The following ZNF493 variants were observed in gnomAD, a reference collection of about 807,000 sequenced individuals.
The protein encoded by ZNF493 is zinc finger protein 493.
A neutral mutation model predicts 12.2 loss-of-function variants in ZNF493; 11 were observed. That is an observed-to-expected ratio of 0.90 (90% CI 0.57 to 1.50). The LOEUF is 1.50. Among genes scored for constraint, ZNF493 ranks in the 40% most tolerant of loss-of-function variants. The pLI is 0.00. For synonymous variants in ZNF493, 286 were observed against 302.6 expected, an observed-to-expected ratio of 0.95 and a Z score of 0.57; for missense variants, 950 against 906.6, an observed-to-expected ratio of 1.05 and a Z score of -0.61.
rs943512217 is a variant in ZNF493, at chr19:21,426,066, A to G, written c.*1082A>G. ...GGCTTTAACTAGTCCTCAGTTCTTA[A>G]CACACATACGATAATTCTTACTGCA... On this transcript the variant is annotated 3_prime_UTR_variant, in exon 4 of 4. Coordinates refer to ENST00000392288, the MANE Select transcript of ZNF493 (RefSeq NM_001076678.3). The G allele has an allele frequency of 3.7e-5, 14 of 377,734 alleles. No individual in the cohort carries two copies. The highest frequency in any genetic ancestry group is 5.9e-5 in the Non-Finnish European group (11 of 187,604). The allele number at this position is 377,734 out of a possible 1,614,324, so 23.4% of individuals were successfully genotyped here. A position where few individuals can be genotyped will look rare whatever the true frequency, so the allele number is the denominator to read the frequency against.
Position 21,416,249 on chromosome 19 carries a change from T to A in ZNF493, c.254-6664T>A, listed in dbSNP as rs147263248. Among the ~76,000 whole-genome samples the A allele has an allele frequency of 4.6e-3, 702 of 152,300 alleles. 6 individuals carry two copies. The Middle Eastern group carries it at 0.085, about 18-fold the overall frequency. On this transcript the variant is annotated intron_variant, in intron 3 of 3. Transcript: ENST00000392288. The stretch of plus-strand genomic sequence containing the variant: ...TGGTTTTTTCAAACCTTGCACATTT[T>A]TTTTCTAGTACCATACCAGGGACAT...
At chr19:21,405,038 T>C (rs1351254962) in intron 1 of ZNF493, 91 bp from the exon 2 acceptor site, 7 of 1,524,624 alleles carry the variant, frequency 4.6e-6, no homozygotes, top group East Asian at 2.3e-5. Flanking sequence ...GAATTTTCTT[T>C]ACTTTCTCAT....
chr19:21,411,410 T>C (rs576055625), intron 3 of ZNF493, among the ~76,000 whole-genome samples: 3 of 152,232 alleles, frequency 2.0e-5, no homozygotes, highest in Non-Finnish European at 4.4e-5. Flanking sequence ...TAGTTATAGT[T>C]TATAATCAAA....
At chr19:21,406,661 A>T (rs1476935598) in intron 3 of ZNF493, among the ~76,000 whole-genome samples, 1 of 151,966 alleles carries the variant, frequency 6.6e-6, no homozygotes, top group Non-Finnish European at 1.5e-5. Context: ...AATTTTCTGA[A>T]CATTCCATCC....
chr19:21,408,629 C>T (rs2030216290), intron 3 of ZNF493: 12 of 984,796 alleles, frequency 1.2e-5, no homozygotes, highest in Admixed American at 6.2e-5. Context: ...ATGAGTTAAA[C>T]GTCTCTTCCT....
At chr19:21,413,751 T>C (rs1224178951) in intron 3 of ZNF493, 1 of 311,414 alleles carries the variant, frequency 3.2e-6, no homozygotes, top group East Asian at 5.1e-5. Flanking sequence ...CTTTTTGTTA[T>C]TGGATCTCTC....
rs1295387715 is a variant in ZNF493 at position 21,423,492 on chromosome 19, C to T, written c.833C>T (p.Ser278Leu). The T allele has an allele frequency of 6.2e-7, 1 of 1,613,736 alleles. No homozygotes were observed. Among genetic ancestry groups the T allele is most frequent in the Non-Finnish European group, 8.5e-7 (1 of 1,179,844 alleles). Reference protein sequence around the residue: ...EECGTSFYQFSYLTRHKLIHT... With the variant: ...EECGTSFYQFLYLTRHKLIHT... ...TGTGGCACATCTTTCTACCAATTCT[C>T]ATACCTTACTAGGCATAAGCTAATT... The change falls in exon 4 of 4, where the codon TCA (serine) becomes TTA (leucine). Residue 278 changes from serine (S) to leucine (L), a missense_variant. By Grantham distance (145) the Ser-to-Leu change is moderately radical (BLOSUM62 -2). Transcript: ENST00000392288.
chr19:21,405,305 TTCTCTGTTTTCATA>T, intron 2 of ZNF493, 50 bp downstream of exon 2: 2 of 1,566,994 alleles, frequency 1.3e-6, no homozygotes, highest in Non-Finnish European at 1.7e-6. Context: ...AAGTTTTCAT[TTCTCTGTTTTCATA>T]GAATAATTTT....
chr19:21,413,085 G>T, intron 3 of ZNF493: 1 of 292,294 alleles, frequency 3.4e-6, no homozygotes, highest in Non-Finnish European at 6.5e-6. Flanking sequence ...CATCCCCTTA[G>T]GAGACCAGCT....
chr19:21,407,579 A>G (rs961243256), intron 3 of ZNF493: 146 of 974,280 alleles, frequency 1.5e-4, no homozygotes, highest in Non-Finnish European at 1.7e-4. Flanking sequence ...GTGAGCCACC[A>G]TGCCCAGCCT....
At chr19:21,416,586 C>A (rs2030501304) in intron 3 of ZNF493, among the ~76,000 whole-genome samples, 1 of 152,152 alleles carries the variant, frequency 6.6e-6, no homozygotes, top group African/African-American at 2.4e-5. Flanking sequence ...CTTTAAATTT[C>A]TTTCCCTGAA....
chr19:21,405,907 T>TAAAAAA lies in ZNF493; in HGVS notation c.253+68_253+73dup, dbSNP rs386388731. 83 of 180,414 alleles carry TAAAAAA rather than the reference T, an allele frequency of 4.6e-4. 1 individual carries two copies. The highest frequency in any genetic ancestry group is 1.0e-3 in the Admixed American group (12 of 11,796). 11.2% of individuals were successfully genotyped at this position (180,414 alleles called of 1,614,324 possible). Reference sequence around the variant, plus strand: ...GACATAGATGAAAGGTTGAAAGATTTAAAAAAAAAAAAAAAAAAAAAAGCC... The same window carrying TAAAAAA: ...GACATAGATGAAAGGTTGAAAGATTTAAAAAAAAAAAAAAAAAAAAAAAAAAAAGCC... On this transcript the variant is annotated intron_variant, in intron 3 of 3. Transcript: ENST00000392288.
In ZNF493 at chr19:21,426,640, C is replaced by G. The variant is rs2030862731; in HGVS notation, c.*1656C>G. The G allele has an allele frequency of 6.0e-6, 1 of 166,772 alleles. No homozygotes were observed. Among genetic ancestry groups the G allele is most frequent in the African/African-American group, 2.4e-5 (1 of 41,412 alleles). The allele number at this position is 166,772 out of a possible 1,614,324, so 10.3% of individuals were successfully genotyped here. On this transcript the variant is annotated 3_prime_UTR_variant, in exon 4 of 4. Transcript: ENST00000392288. ...ACATCAGGGAATTTATATTGGAGAG[C>G]TGTCTTGCAAATGTAATAAATTTGG...
At chr19:21,407,730 GT>G in intron 3 of ZNF493, 2 of 981,044 alleles carry the variant, frequency 2.0e-6, no homozygotes, top group Non-Finnish European at 2.4e-6. Context: ...ATGTACTGTG[GT>G]TTTTTATGTG....
intron 3 of ZNF493, among the ~76,000 whole-genome samples, chr19:21,411,507 C>T (rs1232407322): frequency 6.6e-6 from 1 of 152,026 alleles, no homozygotes; most frequent in Admixed American, 6.6e-5. Flanking sequence ...ATTGCCTGAG[C>T]TCAGGAGTTT....
In ZNF493 at chr19:21,405,190, A is replaced by G; in HGVS notation, c.92A>G (p.Asp31Gly). 1 of 1,614,066 alleles carries G rather than the reference A, an allele frequency of 6.2e-7. No individual in the cohort carries two copies. Among genetic ancestry groups the G allele is most frequent in the Non-Finnish European group, 8.5e-7 (1 of 1,180,000 alleles). Residue 31 changes from aspartate (D) to glycine (G), a missense_variant, in exon 2 of 4, where the codon GAC becomes GGC. Physicochemically the swap from Asp to Gly is moderately conservative, Grantham distance 94 (BLOSUM62 -1). Coordinates refer to ENST00000392288, the MANE Select transcript of ZNF493 (RefSeq NM_001076678.3). ...EFSLEEWQCLDTAQQDLYRKV... is the reference protein window; with the variant it reads ...EFSLEEWQCLGTAQQDLYRKV... ...TCTCTGGAGGAGTGGCAATGCCTGG[A>G]CACTGCTCAGCAGGATTTGTATAGG...
chr19:21,398,370 T>C (rs1402260720), intron 1 of ZNF493: 1 of 170,780 alleles, frequency 5.9e-6, no homozygotes, highest in Admixed American at 6.3e-5. Flanking sequence ...TGACACTGCA[T>C]TGTAGTAAAT....
chr19:21,425,052 T>G lies in ZNF493; in HGVS notation c.*68T>G. On this transcript the variant is annotated 3_prime_UTR_variant, in exon 4 of 4. Coordinates refer to ENST00000392288, the MANE Select transcript of ZNF493 (RefSeq NM_001076678.3). The stretch of plus-strand genomic sequence containing the variant: ...AGAATGTGGCAAAGCTTTTCACCAG[T>G]ACTTTACCCTTAATACACATAAGAT... The G allele has an allele frequency of 6.6e-7, 1 of 1,519,880 alleles. No homozygotes were observed. The highest frequency in any genetic ancestry group is 9.0e-7 in the Non-Finnish European group (1 of 1,117,154). The allele number at this position is 1,519,880 out of a possible 1,614,324, so 94.1% of individuals were successfully genotyped here.
chr19:21,424,090 T>G lies in ZNF493; in HGVS notation c.1431T>G (p.Thr477=). 1 of 1,612,496 alleles carries G rather than the reference T, an allele frequency of 6.2e-7. No individual in the cohort carries two copies. Residue 477 remains threonine (T), a synonymous_variant, in exon 4 of 4, where the codon ACT becomes ACG. Transcript: ENST00000392288. ...CTTTTAAACGATCTTCAACCCTTAC[T>G]AAACATAGGATAATTCATACTGAAG... The part of the protein sequence containing the change: ...GKAFKRSSTL[T]KHRIIHTEEK...
Sources: allele counts gnomAD v4.1 joint callset (sites outside exome capture counted in the v4.1 genomes callset), GRCh38; gene constraint gnomAD v4.1.1; transcripts MANE v1.5; gene names NCBI Gene and HGNC (gene_info 2026-07-23, HGNC 2026-07-21).